SYNE2: variants seen among roughly 807,000 people sequenced by gnomAD.
The protein encoded by SYNE2 is nesprin-2.
In SYNE2, 431 loss-of-function variants were observed where a neutral mutation model predicts 856.3. That is an observed-to-expected ratio of 0.50 (90% CI 0.47 to 0.55). SYNE2 has a LOEUF of 0.55. Among genes scored for constraint, SYNE2 ranks in the 20% least tolerant of loss-of-function variants. The pLI, the probability that SYNE2 is intolerant of heterozygous loss-of-function variation, is 0.00. For synonymous variants in SYNE2, 2,923 were observed against 2,872.3 expected, an observed-to-expected ratio of 1.02 and a Z score of -0.56; for missense variants, 8,129 against 8,023.2, an observed-to-expected ratio of 1.01 and a Z score of -0.50.
intron 6 of SYNE2, among the ~76,000 whole-genome samples, chr14:63,942,996 T>C (rs549524396): frequency 6.6e-6 from 1 of 152,308 alleles, no homozygotes; most frequent in East Asian, 1.9e-4. Context: ...ATCCATAATA[T>C]CAGCACCAGT....
intron 2 of SYNE2, among the ~76,000 whole-genome samples, chr14:63,909,935 T>C (rs536408030): frequency 7.2e-5 from 11 of 152,358 alleles, no homozygotes; most frequent in South Asian, 6.2e-4. Context: ...ATGTGAATCA[T>C]GTGTGCATGT....
At chr14:64,178,985 G>A (rs779111863) in intron 96 of SYNE2, among the ~76,000 whole-genome samples, 4 of 152,094 alleles carry the variant, frequency 2.6e-5, no homozygotes, top group Non-Finnish European at 5.9e-5. Context: ...GCTGAGGTGG[G>A]AGGATCCTTT....
intron 70 of SYNE2, among the ~76,000 whole-genome samples, chr14:64,124,716 C>T (rs1044783025): frequency 6.6e-6 from 1 of 152,208 alleles, no homozygotes; most frequent in East Asian, 1.9e-4. Context: ...AAATTAATAT[C>T]AGCAGGCTGG....
At chr14:63,851,975 CGGGGGGGGGGG>C (rs113075796), upstream of SYNE2, among the ~76,000 whole-genome samples, 2 of 23,602 alleles carry the variant, frequency 8.5e-5, no homozygotes, top group Non-Finnish European at 1.4e-4. Context: ...AGCTACTAAG[CGGGGGGGGGGG>C]GGGGGGGAAT....
At chr14:63,855,217 G>A (rs944151615) in intron 1 of SYNE2, among the ~76,000 whole-genome samples, 1 of 152,198 alleles carries the variant, frequency 6.6e-6, no homozygotes, top group East Asian at 1.9e-4. Flanking sequence ...CAAGACAGTC[G>A]TGATTCCTGC....
rs1481826916 is a variant in SYNE2, at chr14:64,170,359, A to G, written c.17132A>G (p.Asn5711Ser). 9.3e-6 allele frequency: 15 copies of G among 1,614,004 alleles called. No homozygotes were observed. The highest frequency in any genetic ancestry group is 1.3e-5 in the Non-Finnish European group (15 of 1,180,024). The change falls in exon 94 of 116, where the codon AAC (asparagine) becomes AGC (serine). Residue 5711 changes from asparagine (N) to serine (S), a missense_variant. Coordinates refer to ENST00000555002, the MANE Select transcript of SYNE2 (RefSeq NM_182914.3). ...CAAGATTTCACTACTTCTGTGGAGA[A>G]CTTGTTTCGCTTCCTCACTGACACC... ...QWQDFTTSVE[N>S]LFRFLTDTSH...
At chr14:63,816,751 A>C (rs1001411096) in intron 1 of SYNE2, among the ~76,000 whole-genome samples, 3 of 152,004 alleles carry the variant, frequency 2.0e-5, no homozygotes, top group Non-Finnish European at 4.4e-5. Flanking sequence ...AGATCTTGCT[A>C]TATCACTCAG....
intron 10 of SYNE2, among the ~76,000 whole-genome samples, chr14:63,964,665 C>T (rs1013993725): frequency 1.3e-5 from 2 of 152,090 alleles, no homozygotes; most frequent in African/African-American, 4.8e-5. Context: ...GCTGAGATTA[C>T]AGGCATGTAC....
intron 1 of SYNE2, among the ~76,000 whole-genome samples, chr14:63,777,544 T>C (rs186046940): frequency 2.0e-5 from 3 of 152,258 alleles, no homozygotes; most frequent in African/African-American, 7.2e-5. Context: ...AATTGGTGTA[T>C]GAAACCAGTC....
intron 54 of SYNE2, among the ~76,000 whole-genome samples, chr14:64,076,899 C>T (rs76742445): frequency 0.013 from 1,941 of 152,142 alleles, 48 homozygotes; most frequent in African/African-American, 0.044. Flanking sequence ...CATGTAAACT[C>T]TTAACGTATA....
intron 1 of SYNE2, among the ~76,000 whole-genome samples, chr14:63,821,279 T>C (rs1470454353): frequency 6.6e-6 from 1 of 152,202 alleles, no homozygotes; most frequent in African/African-American, 2.4e-5. Flanking sequence ...ATTTTGGATC[T>C]ATTAAAGTTA....
Position 64,158,790 on chromosome 14 carries a change from C to T in SYNE2, c.15958C>T (p.Leu5320Phe). Residue 5320 changes from leucine to phenylalanine, a missense_variant, in exon 86 of 116, where the codon CTT becomes TTT. By Grantham distance (22) the Leu-to-Phe change is conservative (BLOSUM62 0). Around this residue, in one of 3 missense-constraint regions of SYNE2, gnomAD observed 5,410 missense variants for 5,284.8 expected, o/e 1.02. Transcript: ENST00000555002. ...GACCTTGAGATGCCAGGTGGAGAAC[C>T]TTCAGGTAAATTAACCAGAGCTTGG... ...LETLRCQVENLQSLQDEAESS... is the reference protein window; with the variant it reads ...LETLRCQVENFQSLQDEAESS... 6.2e-7 allele frequency: 1 copy of T among 1,613,646 alleles called. No homozygotes were observed. The highest frequency in any genetic ancestry group is 2.2e-5 in the East Asian group (1 of 44,858).
chr14:64,102,393 CT>C (rs1258379083), intron 64 of SYNE2, among the ~76,000 whole-genome samples: 1 of 152,046 alleles, frequency 6.6e-6, no homozygotes, highest in Non-Finnish European at 1.5e-5. Flanking sequence ...CAAGCACTGC[CT>C]AAACCTTTAA....
At position 64,134,144 on chromosome 14, in the gene SYNE2, G is replaced by C; in HGVS notation, c.14590G>C (p.Val4864Leu). 6.2e-7 allele frequency: 1 copy of C among 1,614,020 alleles called. No individual in the cohort carries two copies. Residue 4864 changes from valine (V) to leucine (L), a missense_variant, in exon 78 of 116, where the codon GTG becomes CTG. Transcript: ENST00000555002. ...LEILISTLPS[V>L]SLVEETEERL... ...AATTCTTATATCTACATTGCCCTCT[G>C]TGAGTTTGGTGGAAGAAACAGAGGA...
Position 64,076,034 on chromosome 14 carries a change from AGTCCCTGCAGAGATTG to A in SYNE2, c.10957_10972del (p.Val3653AsnfsTer11). 6.2e-7 allele frequency: 1 copy of A among 1,613,984 alleles called. No individual in the cohort carries two copies. The highest frequency in any genetic ancestry group is 8.5e-7 in the Non-Finnish European group (1 of 1,179,876). On this transcript the variant is annotated frameshift_variant, in exon 54 of 116. Transcript: ENST00000555002. LOFTEE classifies it high-confidence loss of function. ...TCAAGTATTCCGAAATGTACACCATAGTCCCTGCAGAGATTGAATCCCAGGTGGAAGAATGCAGAAA... is the reference window on the plus strand; with the variant it reads ...TCAAGTATTCCGAAATGTACACCATAAATCCCAGGTGGAAGAATGCAGAAA...
chr14:63,901,102 T>C (rs1283163954), intron 1 of SYNE2, among the ~76,000 whole-genome samples: 1 of 152,218 alleles, frequency 6.6e-6, no homozygotes, highest in African/African-American at 2.4e-5. Context: ...TTCCTCACCA[T>C]TGACAGAGTG....
intron 48 of SYNE2, 95 bp from the exon 49 acceptor site, chr14:64,055,847 CAG>C (rs2097264660): frequency 3.0e-6 from 2 of 657,038 alleles, no homozygotes; most frequent in Admixed American, 6.0e-5. Context: ...AAAAAAGACT[CAG>C]AGACATATTA....
chr14:64,105,196 T>C (rs1028457920), intron 64 of SYNE2, among the ~76,000 whole-genome samples: 1 of 152,228 alleles, frequency 6.6e-6, no homozygotes, highest in Non-Finnish European at 1.5e-5. Flanking sequence ...TCTCCAATTG[T>C]TTTTCCTAAT....
At chr14:63,826,558 C>T (rs1364931727) in intron 1 of SYNE2, among the ~76,000 whole-genome samples, 2 of 152,086 alleles carry the variant, frequency 1.3e-5, no homozygotes, top group South Asian at 2.1e-4. Context: ...CCTTGGCCTC[C>T]CTAAGTGCTG....
Sources: allele counts gnomAD v4.1 joint callset (sites outside exome capture counted in the v4.1 genomes callset), GRCh38; gene constraint gnomAD v4.1.1; regional missense constraint gnomAD v4.1.1; transcripts MANE v1.5; gene names NCBI Gene and HGNC (gene_info 2026-07-23, HGNC 2026-07-21).